Variants in ELMOD2 observed in about 807,000 individuals in gnomAD.
ELMOD2 encodes the protein ELMO domain-containing protein 2.
A neutral mutation model predicts 41.0 loss-of-function variants in ELMOD2; 28 were observed. The observed-to-expected ratio is 0.68, with a 90% CI of 0.51 to 0.94. ELMOD2 has a LOEUF of 0.94. Among genes scored for constraint, ELMOD2 ranks in the 40% least tolerant of loss-of-function variants. The pLI is 0.00. For synonymous variants in ELMOD2, 106 were observed against 107.2 expected (o/e 0.99, Z 0.07); for missense variants, 333 against 343.1 (o/e 0.97, Z 0.23).
At chr4:140,535,862 A>T in intron 4 of ELMOD2, 32 bp downstream of exon 4, 1 of 1,570,026 alleles carries the variant, frequency 6.4e-7, no homozygotes, top group Admixed American at 1.9e-5. Context: ...CTTTTTTATT[A>T]TGCATTTATA....
chr4:140,532,738 GCT>G (rs1189337566), intron 3 of ELMOD2, among the ~76,000 whole-genome samples: 59 of 152,240 alleles, frequency 3.9e-4, no homozygotes, highest in African/African-American at 1.3e-3. Context: ...TACTTTCTCT[GCT>G]TTTATTCAGC....
At chr4:140,537,814 T>G (rs1211351090) in intron 5 of ELMOD2, among the ~76,000 whole-genome samples, 1 of 151,134 alleles carries the variant, frequency 6.6e-6, no homozygotes, top group Non-Finnish European at 1.5e-5. Context: ...TTTAATGTTT[T>G]TATTTCTGAA....
intron 5 of ELMOD2, 37 bp from the exon 6 acceptor site, chr4:140,540,131 A>C: frequency 1.2e-6 from 2 of 1,600,906 alleles, no homozygotes; most frequent in South Asian, 2.2e-5. Flanking sequence ...AGCTATGAGA[A>C]AGAAAATGTC....
At chr4:140,527,593 T>G (rs1734612134) in intron 3 of ELMOD2, 99 bp downstream of exon 3, 1 of 963,168 alleles carries the variant, frequency 1.0e-6, no homozygotes, top group Admixed American at 3.0e-5. Flanking sequence ...TTTTCTATAG[T>G]GAGCATTGAG....
intron 3 of ELMOD2, 46 bp downstream of exon 3, chr4:140,527,540 A>G (rs1560823001): frequency 1.3e-6 from 2 of 1,504,358 alleles, no homozygotes; most frequent in Non-Finnish European, 9.0e-7. Context: ...TAACGTGGAC[A>G]TATTTTTTCT....
In ELMOD2 at chr4:140,552,901, G is replaced by T. The variant is rs1735504216; in HGVS notation, c.*2526G>T. 6.6e-6 allele frequency: 1 copy of T among 151,820 alleles called. No homozygotes were observed. The highest frequency in any genetic ancestry group is 1.5e-5 in the Non-Finnish European group (1 of 67,892). 9.4% of individuals were successfully genotyped at this position (151,820 alleles called of 1,614,324 possible). ...TTTAAAGAAATGGGAGAAATTGGGGGTATCAGTGAACCTATACCAACCTCT... is the reference window on the plus strand; with the variant it reads ...TTTAAAGAAATGGGAGAAATTGGGGTTATCAGTGAACCTATACCAACCTCT... On this transcript the variant is annotated 3_prime_UTR_variant, in exon 9 of 9. Coordinates refer to ENST00000323570, the MANE Select transcript of ELMOD2 (RefSeq NM_153702.4).
chr4:140,537,171 C>T (rs1314373758), intron 4 of ELMOD2, among the ~76,000 whole-genome samples: 3 of 152,018 alleles, frequency 2.0e-5, no homozygotes, highest in Non-Finnish European at 2.9e-5. Context: ...AAGAGAAAAT[C>T]CTTCACAAAT....
At chr4:140,528,612 G>A (rs181068206) in intron 3 of ELMOD2, among the ~76,000 whole-genome samples, 23 of 152,254 alleles carry the variant, frequency 1.5e-4, no homozygotes, top group Admixed American at 1.0e-3. Flanking sequence ...GTGGCTCAAG[G>A]TCAAAAATGT....
At chr4:140,539,847 G>A (rs1735051831) in intron 5 of ELMOD2, among the ~76,000 whole-genome samples, 2 of 152,130 alleles carry the variant, frequency 1.3e-5, no homozygotes, top group Non-Finnish European at 2.9e-5. Flanking sequence ...TACAGTATCT[G>A]AAGCAAGGGC....
chr4:140,527,107 A>G (rs1371665512), intron 2 of ELMOD2, among the ~76,000 whole-genome samples: 1 of 152,224 alleles, frequency 6.6e-6, no homozygotes, highest in Non-Finnish European at 1.5e-5. Flanking sequence ...AATGCAGTAG[A>G]GAGCACTCTC....
intron 8 of ELMOD2, among the ~76,000 whole-genome samples, chr4:140,549,207 TTTTA>T (rs897278048): frequency 6.6e-6 from 1 of 152,218 alleles, no homozygotes; most frequent in African/African-American, 2.4e-5. Flanking sequence ...TTAATAGCTT[TTTTA>T]TTTGTTATTT....
At chr4:140,539,463 G>A (rs560876581) in intron 5 of ELMOD2, among the ~76,000 whole-genome samples, 36 of 151,742 alleles carry the variant, frequency 2.4e-4, no homozygotes, top group African/African-American at 8.0e-4. Context: ...CCGGGTTCAC[G>A]CCATTCTCCT....
intron 2 of ELMOD2, among the ~76,000 whole-genome samples, chr4:140,526,130 T>A (rs1734554867): frequency 6.6e-6 from 1 of 152,234 alleles, no homozygotes; most frequent in South Asian, 2.1e-4. Context: ...ATATAAACTG[T>A]ATTTCAAAGA....
At position 140,525,589 on chromosome 4, in the gene ELMOD2, A is replaced by G. The variant is rs775497995; in HGVS notation, c.142+19A>G. On this transcript the variant is annotated intron_variant, in intron 2 of 8. Transcript: ENST00000323570. ...AGGATAGGTAATGTTATTCAAAAAG[A>G]AAAAGTACTAATAAAAGTTTAACGG... 10 of 1,585,818 alleles carry G rather than the reference A, an allele frequency of 6.3e-6. No homozygotes were observed. The Admixed American group carries it at 1.7e-4, about 28-fold the overall frequency.
chr4:140,529,444 C>G (rs1160223224), intron 3 of ELMOD2, among the ~76,000 whole-genome samples: 1 of 152,174 alleles, frequency 6.6e-6, no homozygotes, highest in African/African-American at 2.4e-5. Flanking sequence ...ATGTTATACC[C>G]ACAATCCCAG....
At chr4:140,526,686 C>T (rs1342831596) in intron 2 of ELMOD2, 2 of 152,166 alleles carry the variant, frequency 1.3e-5, no homozygotes, top group Non-Finnish European at 2.9e-5. Context: ...TAATTACTTT[C>T]CTAGTTTTCT....
At chr4:140,550,023 T>C (rs780304342) in intron 8 of ELMOD2, among the ~76,000 whole-genome samples, 18 of 152,266 alleles carry the variant, frequency 1.2e-4, no homozygotes, top group Non-Finnish European at 2.6e-4. Flanking sequence ...GGGACGTTGT[T>C]GATTTTTGAG....
chr4:140,537,582 G>A lies in ELMOD2; in HGVS notation c.399+41G>A, dbSNP rs201951959. ...CTTTATGTGGAGTTGTTGAACGCTAGAAAAATAAATCAGGCTTCAGCTAAG... is the reference window on the plus strand; with the variant it reads ...CTTTATGTGGAGTTGTTGAACGCTAAAAAAATAAATCAGGCTTCAGCTAAG... On this transcript the variant is annotated intron_variant, in intron 5 of 8. Coordinates refer to ENST00000323570, the MANE Select transcript of ELMOD2 (RefSeq NM_153702.4). The A allele has an allele frequency of 1.2e-5, 19 of 1,587,498 alleles. No homozygotes were observed. The East Asian group carries it at 4.2e-4, about 35-fold the overall frequency.
intron 3 of ELMOD2, among the ~76,000 whole-genome samples, chr4:140,532,476 G>C (rs933734614): frequency 6.6e-6 from 1 of 152,104 alleles, no homozygotes; most frequent in African/African-American, 2.4e-5. Context: ...CTGTCATGTT[G>C]AGTTTTCAGA....
Sources: allele counts gnomAD v4.1 joint callset (sites outside exome capture counted in the v4.1 genomes callset), GRCh38; gene constraint gnomAD v4.1.1; transcripts MANE v1.5; gene names NCBI Gene and HGNC (gene_info 2026-07-23, HGNC 2026-07-21).